Variants in KRT80 observed in about 807,000 individuals in gnomAD.
The protein encoded by KRT80 is keratin, type II cytoskeletal 80.
Under a neutral mutation model 51.5 loss-of-function variants are expected in KRT80, and 36 were observed. That is an observed-to-expected ratio of 0.70 (90% CI 0.54 to 0.92). The LOEUF is 0.92. KRT80 is among the 40% of genes least tolerant of loss of function. The pLI, the probability that KRT80 is intolerant of heterozygous loss-of-function variation, is 0.00. For synonymous variants in KRT80, 235 were observed against 248.3 expected (o/e 0.95, Z 0.50); for missense variants, 566 against 591.7 (o/e 0.96, Z 0.45).
At chr12:52,175,965 G>A (rs2120886463) in intron 4 of KRT80, among the ~76,000 whole-genome samples, 1 of 152,266 alleles carries the variant, frequency 6.6e-6, no homozygotes, top group Non-Finnish European at 1.5e-5. Flanking sequence ...GCATCGGTGG[G>A]TGTGGGGGGC....
At chr12:52,185,101 G>T (rs865849921) in intron 2 of KRT80, among the ~76,000 whole-genome samples, 1 of 152,208 alleles carries the variant, frequency 6.6e-6, no homozygotes, top group Admixed American at 6.5e-5. Flanking sequence ...TTATGATGAT[G>T]CCCAAGGGCC....
At chr12:52,173,286 G>T (rs550589796) in intron 5 of KRT80, 123 bp from the exon 6 acceptor site, 9 of 1,288,588 alleles carry the variant, frequency 7.0e-6, no homozygotes, top group Non-Finnish European at 9.2e-6. Context: ...ACCACGCCAC[G>T]CCAGGCTCCC....
chr12:52,188,324 A>C (rs1733018954), intron 1 of KRT80, among the ~76,000 whole-genome samples: 1 of 152,220 alleles, frequency 6.6e-6, no homozygotes, highest in African/African-American at 2.4e-5. Flanking sequence ...TTTACAGATG[A>C]AGAAACTGAA....
intron 4 of KRT80, among the ~76,000 whole-genome samples, chr12:52,179,277 C>T (rs550477123): frequency 6.6e-6 from 1 of 152,338 alleles, no homozygotes; most frequent in African/African-American, 2.4e-5. Flanking sequence ...CTGGGCTGCA[C>T]CAGCCCACAG....
Position 52,171,245 on chromosome 12 carries a change from CACAA to C in KRT80, c.*149_*152del. 1.3e-6 allele frequency: 1 copy of C among 799,998 alleles called. No individual in the cohort carries two copies. The allele number at this position is 799,998 out of a possible 1,614,324, so 49.6% of individuals were successfully genotyped here. On this transcript the variant is annotated 3_prime_UTR_variant, in exon 9 of 9. Transcript: ENST00000394815. Reference sequence around the variant, plus strand: ...ATGCTCCTCTCCCACCCTGGCAGCCCACAAAACACAGTCAGTTTTGAACCCCTCT... The same window carrying C: ...ATGCTCCTCTCCCACCCTGGCAGCCCAACACAGTCAGTTTTGAACCCCTCT...
Position 52,176,062 on chromosome 12 carries a change from C to T in KRT80, c.667-2298G>A, listed in dbSNP as rs145899081. On this transcript the variant is annotated intron_variant, in intron 4 of 8. Transcript: ENST00000394815. ...GAAAGGCCGGCGCACTGTGAGGACG[C>T]ACTATAGCAGGACTTCCCAGTCAGG... is the stretch of plus-strand genomic sequence containing the variant. 9.8e-5 allele frequency among the ~76,000 whole-genome samples: 15 copies of T among 152,322 alleles called. 1 individual carries two copies. The East Asian group carries it at 1.5e-3, about 16-fold the overall frequency.
chr12:52,173,649 G>C lies in KRT80; in HGVS notation c.782C>G (p.Ala261Gly), dbSNP rs750697351. 6.2e-7 allele frequency: 1 copy of C among 1,612,998 alleles called. No individual in the cohort carries two copies. Among genetic ancestry groups the C allele is most frequent in the African/African-American group, 1.3e-5 (1 of 74,944 alleles). The change falls in exon 5 of 9, where the codon GCC becomes GGC. Residue 261 changes from alanine to glycine, a missense_variant. Coordinates refer to ENST00000394815, the MANE Select transcript of KRT80 (RefSeq NM_182507.3). ...IVEEVKAQYDAVAARSLEEAE... is the reference protein window; with the variant it reads ...IVEEVKAQYDGVAARSLEEAE... ...CTCCTCCAGGCTGCGAGCCGCGACG[G>C]CGTCATACTGGGCCTTCACCTCCTC...
chr12:52,175,509 C>A (rs755179951), intron 4 of KRT80, among the ~76,000 whole-genome samples: 1 of 151,958 alleles, frequency 6.6e-6, no homozygotes, highest in Non-Finnish European at 1.5e-5. Flanking sequence ...CTGTCTCAGG[C>A]GGAGGCTGGA....
At position 52,180,585 on chromosome 12, in the gene KRT80, A is replaced by G. The variant is rs775040969; in HGVS notation, c.594T>C (p.His198=). 1 of 1,505,862 alleles carries G rather than the reference A, an allele frequency of 6.6e-7. No homozygotes were observed. The highest frequency in any genetic ancestry group is 1.4e-5 in the South Asian group (1 of 72,722). The allele number at this position is 1,505,862 out of a possible 1,614,324, so 93.3% of individuals were successfully genotyped here. ...TTAACTTGGTTTCCAGTTCAGTCCG[A>G]TGAAGACACTCTGCATCCAGGTCCT... ...LKKDLDAECL[H]RTELETKLKS... is the part of the protein sequence containing the mutation. Residue 198 remains histidine, a synonymous_variant, in exon 4 of 9, where the codon CAT becomes CAC. Coordinates refer to ENST00000394815, the MANE Select transcript of KRT80 (RefSeq NM_182507.3).
intron 1 of KRT80, among the ~76,000 whole-genome samples, chr12:52,187,634 T>C (rs886150101): frequency 1.3e-5 from 2 of 152,188 alleles, no homozygotes; most frequent in Admixed American, 6.5e-5. Context: ...GCCATTCCCC[T>C]GCATATCTGT....
Position 52,171,699 on chromosome 12 carries a change from G to A in KRT80, c.1193C>T (p.Ser398Leu). Reference protein sequence around the residue: ...EGEEGRMDSPSATVVSAVQSR... With the variant: ...EGEEGRMDSPLATVVSAVQSR... The stretch of plus-strand genomic sequence containing the variant: ...CTGCACAGCGCTGACCACAGTGGCT[G>A]AGGGCGAGTCCATCCTGGGGGTGGG... The change falls in exon 8 of 9, where the codon TCA (serine) becomes TTA (leucine). Residue 398 changes from serine (S) to leucine (L), a missense_variant. Ser to Leu is a moderately radical substitution (Grantham distance 145, BLOSUM62 -2). Coordinates refer to ENST00000394815, the MANE Select transcript of KRT80 (RefSeq NM_182507.3). 1 of 1,561,132 alleles carries A rather than the reference G, an allele frequency of 6.4e-7. No individual in the cohort carries two copies. Among genetic ancestry groups the A allele is most frequent in the Non-Finnish European group, 8.7e-7 (1 of 1,150,732 alleles).
intron 1 of KRT80, among the ~76,000 whole-genome samples, chr12:52,188,958 G>A (rs1399958146): frequency 6.6e-6 from 1 of 152,168 alleles, no homozygotes; most frequent in African/African-American, 2.4e-5. Context: ...CCACTGGGAC[G>A]AGCTCAGGAC....
intron 2 of KRT80, among the ~76,000 whole-genome samples, chr12:52,181,735 T>G (rs1212541146): frequency 2.6e-5 from 4 of 152,184 alleles, no homozygotes; most frequent in Non-Finnish European, 5.9e-5. Flanking sequence ...CACCGTTGGG[T>G]GGGGAGGACA....
At chr12:52,172,035 T>C (rs1280981585) in intron 7 of KRT80, among the ~76,000 whole-genome samples, 163 bp downstream of exon 7, 1 of 152,162 alleles carries the variant, frequency 6.6e-6, no homozygotes, top group Admixed American at 6.5e-5. Flanking sequence ...CAGGATGAAA[T>C]GAACTGGGCC....
rs1037750143 is a variant in KRT80, at chr12:52,171,659, G to C, written c.1233C>G (p.Thr411=). The C allele has an allele frequency of 1.3e-6, 2 of 1,515,514 alleles. No individual in the cohort carries two copies. The highest frequency in any genetic ancestry group is 2.8e-5 in the African/African-American group (2 of 71,996). The allele number at this position is 1,515,514 out of a possible 1,614,324, so 93.9% of individuals were successfully genotyped here. ...GGTTCTCGGGGCAAGAGGACTCACC[G>C]GTTTTGCACCTGGACTGCACAGCGC... The part of the protein sequence containing the change: ...VVSAVQSRCK[T]AASRSGLSKA... Residue 411 remains threonine, a splice_region_variant and synonymous_variant, in exon 8 of 9, where the codon ACC becomes ACG. Transcript: ENST00000394815.
At position 52,173,698 on chromosome 12, in the gene KRT80, G is replaced by A; in HGVS notation, c.733C>T (p.His245Tyr). 1 of 1,612,574 alleles carries A rather than the reference G, an allele frequency of 6.2e-7. No individual in the cohort carries two copies. The highest frequency in any genetic ancestry group is 8.5e-7 in the Non-Finnish European group (1 of 1,179,998). The change falls in exon 5 of 9, where the codon CAC becomes TAC. Residue 245 changes from histidine to tyrosine, a missense_variant. His to Tyr is a moderately conservative substitution (Grantham distance 83). Transcript: ENST00000394815. ...SVTVGMDSRC[H>Y]IDLSGIVEEV... ...TCCACGATGCCGCTCAGGTCGATGTGGCAGCGGCTGTCCATGCCGACGGTC... is the reference window on the plus strand; with the variant it reads ...TCCACGATGCCGCTCAGGTCGATGTAGCAGCGGCTGTCCATGCCGACGGTC...
chr12:52,171,368 G>T lies in KRT80; in HGVS notation c.*30C>A. ...CTTAAGTCCCTCCTGCTGCAGTGGA[G>T]TGCCCTGGGGTTCCTGGGGTCCAGC... On this transcript the variant is annotated 3_prime_UTR_variant, in exon 9 of 9. Transcript: ENST00000394815. 1 of 1,545,140 alleles carries T rather than the reference G, an allele frequency of 6.5e-7. No individual in the cohort carries two copies. Among genetic ancestry groups the T allele is most frequent in the Non-Finnish European group, 8.7e-7 (1 of 1,146,616 alleles).
At chr12:52,188,736 C>T (rs1437429262) in intron 1 of KRT80, among the ~76,000 whole-genome samples, 1 of 152,216 alleles carries the variant, frequency 6.6e-6, no homozygotes, top group Non-Finnish European at 1.5e-5. Context: ...GGTTCCCTCT[C>T]TACAGCCTCC....
intron 1 of KRT80, among the ~76,000 whole-genome samples, chr12:52,188,960 G>GGT (rs1941443933): frequency 1.3e-5 from 2 of 152,162 alleles, no homozygotes; most frequent in Admixed American, 1.3e-4. Context: ...ACTGGGACGA[G>GGT]CTCAGGACCA....
Sources: allele counts gnomAD v4.1 joint callset (sites outside exome capture counted in the v4.1 genomes callset), GRCh38; gene constraint gnomAD v4.1.1; transcripts MANE v1.5; gene names NCBI Gene and HGNC (gene_info 2026-07-23, HGNC 2026-07-21).